The following SPATA45 variants were observed in gnomAD, a reference collection of about 807,000 sequenced individuals.
SPATA45 encodes spermatogenesis-associated protein 45.
A neutral mutation model predicts 7.0 loss-of-function variants in SPATA45; 5 were observed. The observed-to-expected ratio is 0.71, with a 90% CI of 0.37 to 1.50. SPATA45 has a LOEUF of 1.50. Ranked by LOEUF, SPATA45 falls within the 40% of genes most tolerant of loss-of-function variation. SPATA45 has a pLI of 0.03. For missense variants in SPATA45, 111 were observed against 114.9 expected (o/e 0.97, Z 0.16); for synonymous variants, 40 against 38.7 (o/e 1.03, Z -0.13).
At chr1:212,840,239 C>T (rs1031668861) in intron 1 of SPATA45, among the ~76,000 whole-genome samples, 14 of 145,704 alleles carry the variant, frequency 9.6e-5, no homozygotes, top group East Asian at 2.0e-4. Context: ...GGTGAAACCC[C>T]GTCTTTACAA....
At chr1:212,835,614 C>T (rs999391311) in intron 2 of SPATA45, among the ~76,000 whole-genome samples, 4 of 151,250 alleles carry the variant, frequency 2.6e-5, no homozygotes, top group Admixed American at 1.3e-4. Flanking sequence ...GGGTGGATCA[C>T]CTGAGGTCAG....
chr1:212,835,366 A>T (rs1663568430), intron 2 of SPATA45, among the ~76,000 whole-genome samples: 1 of 151,298 alleles, frequency 6.6e-6, no homozygotes, highest in African/African-American at 2.4e-5. Flanking sequence ...TCTACTAAAA[A>T]TACAAAAAAA....
At chr1:212,847,065 A>G (rs895750580) in intron 1 of SPATA45, among the ~76,000 whole-genome samples, 2 of 151,702 alleles carry the variant, frequency 1.3e-5, no homozygotes, top group African/African-American at 4.8e-5. Flanking sequence ...TAATTTTTGT[A>G]TTTTTTGTAG....
At chr1:212,836,214 A>C (rs2102509698) in intron 1 of SPATA45, 27 bp from the exon 2 acceptor site, 1 of 1,452,354 alleles carries the variant, frequency 6.9e-7, no homozygotes, top group East Asian at 2.3e-5. Context: ...AAATACTTTC[A>C]ATTGTCTTTT....
rs12240216 is a variant in SPATA45 at position 212,841,167 on chromosome 1, C to T, written c.-38-4980G>A. On this transcript the variant is annotated intron_variant, in intron 1 of 2. Transcript: ENST00000332912. Reference sequence around the variant, plus strand: ...GAGACACCATCTTTCCTTTTTTTTTCTTTTCTTTTGAGATGGGGTCTCATT... The same window carrying T: ...GAGACACCATCTTTCCTTTTTTTTTTTTTTCTTTTGAGATGGGGTCTCATT... Among the ~76,000 whole-genome samples, 687 of 115,842 alleles carry T rather than the reference C, an allele frequency of 5.9e-3. 9 individuals are homozygous for T. Among genetic ancestry groups the T allele is most frequent in the African/African-American group, 0.026 (650 of 25,272 alleles). 76.0% of individuals were successfully genotyped at this position (115,842 alleles called of 152,430 possible).
intron 2 of SPATA45, among the ~76,000 whole-genome samples, chr1:212,831,653 T>G (rs1663490051): frequency 6.6e-6 from 1 of 151,272 alleles, no homozygotes; most frequent in African/African-American, 2.4e-5. Context: ...TAAGAGAACT[T>G]CTTTCCTAGT....
At chr1:212,832,790 C>T (rs1663512299) in intron 2 of SPATA45, among the ~76,000 whole-genome samples, 1 of 151,508 alleles carries the variant, frequency 6.6e-6, no homozygotes, top group South Asian at 2.1e-4. Flanking sequence ...GTTTGTGAGC[C>T]ATTGCCCAAG....
Position 212,845,365 on chromosome 1 carries a change from C to T in SPATA45, c.-39+2215G>A, listed in dbSNP as rs148468783. On this transcript the variant is annotated intron_variant, in intron 1 of 2. Coordinates refer to ENST00000332912, the MANE Select transcript of SPATA45 (RefSeq NM_001024601.3). ...TGCCCCAAGTCAGGAAACTAAAATA[C>T]CTCTTGGTCTGGGTAGACACTTTCA... 5.6e-3 allele frequency among the ~76,000 whole-genome samples: 854 copies of T among 152,284 alleles called. 9 individuals carry two copies. Among genetic ancestry groups the T allele is most frequent in the African/African-American group, 0.02 (811 of 41,558 alleles).
chr1:212,841,631 C>CT lies in SPATA45; in HGVS notation c.-38-5445dup, dbSNP rs5780702. Among the ~76,000 whole-genome samples the CT allele has an allele frequency of 8.8e-3, 1,097 of 125,232 alleles. 14 individuals are homozygous for CT. The highest frequency in any genetic ancestry group is 0.016 in the African/African-American group (527 of 33,942). 82.2% of individuals were successfully genotyped at this position (125,232 alleles called of 152,430 possible). Reference sequence around the variant, plus strand: ...AAATAAGCAAAGAAGAGGTATCTTTCTTTTTTTTTTTTTTTTTTTTCTTTT... The same window carrying CT: ...AAATAAGCAAAGAAGAGGTATCTTTCTTTTTTTTTTTTTTTTTTTTTCTTTT... On this transcript the variant is annotated intron_variant, in intron 1 of 2. Coordinates refer to ENST00000332912, the MANE Select transcript of SPATA45 (RefSeq NM_001024601.3).
intron 1 of SPATA45, among the ~76,000 whole-genome samples, chr1:212,841,751 G>A (rs142287968): frequency 0.01 from 1,533 of 150,436 alleles, 29 homozygotes; most frequent in African/African-American, 0.035. Context: ...AGTTTGTCAA[G>A]TGCCTATTTT....
At chr1:212,830,454 G>C (rs1424330112) in intron 2 of SPATA45, among the ~76,000 whole-genome samples, 193 bp from the exon 3 acceptor site, 1 of 150,988 alleles carries the variant, frequency 6.6e-6, no homozygotes, top group Non-Finnish European at 1.5e-5. Context: ...GGCGGATCAC[G>C]AGGTCAGGAG....
intron 1 of SPATA45, among the ~76,000 whole-genome samples, chr1:212,842,169 G>A (rs994221477): frequency 1.3e-5 from 2 of 151,646 alleles, no homozygotes; most frequent in African/African-American, 4.8e-5. Context: ...CCTGACGTCA[G>A]GGGTTCGAGA....
chr1:212,833,464 G>A (rs1159624597), intron 2 of SPATA45, among the ~76,000 whole-genome samples: 1 of 143,712 alleles, frequency 7.0e-6, no homozygotes, highest in East Asian at 2.0e-4. Context: ...TTTGAAACCA[G>A]TCTGGCCAAC....
intron 1 of SPATA45, among the ~76,000 whole-genome samples, chr1:212,837,581 T>G (rs1663611470): frequency 6.6e-6 from 1 of 150,934 alleles, no homozygotes; most frequent in Non-Finnish European, 1.5e-5. Context: ...TGCAGTGAGC[T>G]GAGATCACGC....
At chr1:212,834,962 T>G (rs1028903084) in intron 2 of SPATA45, among the ~76,000 whole-genome samples, 2 of 151,630 alleles carry the variant, frequency 1.3e-5, no homozygotes, top group African/African-American at 4.8e-5. Context: ...CTTAGTCTGC[T>G]GAGAATGCAG....
intron 1 of SPATA45, among the ~76,000 whole-genome samples, chr1:212,837,000 G>GA (rs1407934935): frequency 6.6e-6 from 1 of 150,974 alleles, no homozygotes; most frequent in Non-Finnish European, 1.5e-5. Context: ...TTTATTTTTT[G>GA]TTTTTTAGGT....
intron 1 of SPATA45, among the ~76,000 whole-genome samples, chr1:212,844,363 G>T (rs1336263174): frequency 6.6e-6 from 1 of 152,070 alleles, no homozygotes; most frequent in Admixed American, 6.6e-5. Context: ...ACTCTTTGCT[G>T]CGTCTCCCAC....
At chr1:212,844,738 T>A (rs1663758375) in intron 1 of SPATA45, among the ~76,000 whole-genome samples, 2 of 152,220 alleles carry the variant, frequency 1.3e-5, no homozygotes, top group South Asian at 2.1e-4. Flanking sequence ...TTCCATATCC[T>A]GCACCACCAT....
intron 1 of SPATA45, among the ~76,000 whole-genome samples, chr1:212,838,693 C>T (rs1393866201): frequency 1.3e-5 from 2 of 151,362 alleles, no homozygotes; most frequent in African/African-American, 4.8e-5. Context: ...TGTTTTTACA[C>T]AGCTTTATTT....
Sources: gnomAD v4.1 joint callset for allele counts (sites outside exome capture counted in the v4.1 genomes callset) on GRCh38, gnomAD v4.1.1 for gene constraint, MANE v1.5 for transcripts, NCBI Gene and HGNC (gene_info 2026-07-23, HGNC 2026-07-21) for gene names.